The following TLE4 variants were observed in gnomAD, a reference collection of about 807,000 sequenced individuals.
TLE4 encodes the protein transducin-like enhancer protein 4.
A neutral mutation model predicts 92.8 loss-of-function variants in TLE4; 8 were observed. The observed-to-expected ratio is 0.09, with a 90% CI of 0.05 to 0.16. TLE4 has a LOEUF of 0.16. Among genes scored for constraint, TLE4 ranks in the 10% least tolerant of loss-of-function variants. TLE4 has a pLI of 1.00. For synonymous variants in TLE4, 371 were observed against 374.1 expected (o/e 0.99, Z 0.10); for missense variants, 675 against 997.6 (o/e 0.68, Z 4.36).
At chr9:79,707,765 G>A (rs758578066) in intron 11 of TLE4, among the ~76,000 whole-genome samples, 14 of 152,132 alleles carry the variant, frequency 9.2e-5, no homozygotes, top group Non-Finnish European at 2.1e-4. Context: ...CTTGTGACAT[G>A]AACAATCTGC....
chr9:79,694,022 A>C (rs142396670), intron 8 of TLE4, among the ~76,000 whole-genome samples: 90 of 152,302 alleles, frequency 5.9e-4, no homozygotes, highest in African/African-American at 1.8e-3. Flanking sequence ...AATTAACCTA[A>C]AAGGACATGT....
intron 14 of TLE4, among the ~76,000 whole-genome samples, chr9:79,713,237 G>T (rs1165535374): frequency 6.6e-6 from 1 of 152,186 alleles, no homozygotes; most frequent in Non-Finnish European, 1.5e-5. Context: ...AGGTGGGAAA[G>T]CCAGTGACCT....
chr9:79,682,393 G>A (rs1362362760), intron 8 of TLE4, among the ~76,000 whole-genome samples: 1 of 152,104 alleles, frequency 6.6e-6, no homozygotes, highest in African/African-American at 2.4e-5. Context: ...AGCACATCTG[G>A]CCCTCAAGGA....
chr9:79,612,565 G>A (rs2048604977), intron 4 of TLE4, 91 bp from the exon 5 acceptor site: 1 of 1,164,446 alleles, frequency 8.6e-7, no homozygotes, highest in Non-Finnish European at 1.3e-6. Flanking sequence ...AAATTATAAA[G>A]TATGTTTTAA....
chr9:79,637,452 C>T (rs541388611), intron 6 of TLE4, among the ~76,000 whole-genome samples: 106 of 152,274 alleles, frequency 7.0e-4, no homozygotes, highest in African/African-American at 2.3e-3. Flanking sequence ...TTATGCTACA[C>T]TTGTCTCTTA....
chr9:79,589,316 G>C (rs917665667), intron 4 of TLE4, among the ~76,000 whole-genome samples: 28 of 152,208 alleles, frequency 1.8e-4, no homozygotes, highest in Admixed American at 1.0e-3. Flanking sequence ...AACCTTTTCA[G>C]GTTTTTTCCT....
intron 8 of TLE4, chr9:79,671,517 G>A: frequency 3.3e-6 from 1 of 301,428 alleles, no homozygotes; most frequent in South Asian, 2.8e-5. Context: ...AATTGTGTGG[G>A]GAGAGGGAGT....
At chr9:79,706,449 G>T (rs1415262635) in intron 10 of TLE4, among the ~76,000 whole-genome samples, 1 of 150,844 alleles carries the variant, frequency 6.6e-6, no homozygotes, top group Non-Finnish European at 1.5e-5. Flanking sequence ...CTCTACTGCA[G>T]TGAAGGCACA....
chr9:79,699,705 A>T (rs2069243627), intron 8 of TLE4, among the ~76,000 whole-genome samples: 1 of 152,156 alleles, frequency 6.6e-6, no homozygotes, highest in Non-Finnish European at 1.5e-5. Context: ...TCTGGTTGTT[A>T]TCGTCTATGG....
At position 79,573,781 on chromosome 9, in the gene TLE4, C is replaced by T; in HGVS notation, c.138C>T (p.Tyr46=). ...KEEFQFLQAQ[Y]HSLKLECEKL... Reference sequence around the variant, plus strand: ...AGTTTCAGTTTTTACAGGCTCAATACCACAGGTAACGATATTGACTTTAGC... The same window carrying T: ...AGTTTCAGTTTTTACAGGCTCAATATCACAGGTAACGATATTGACTTTAGC... The change falls in exon 2 of 20, where the codon TAC becomes TAT. Residue 46 remains tyrosine, a synonymous_variant. Transcript: ENST00000376552. The T allele has an allele frequency of 6.3e-7, 1 of 1,590,144 alleles. No individual in the cohort carries two copies. Among genetic ancestry groups the T allele is most frequent in the Non-Finnish European group, 8.6e-7 (1 of 1,162,370 alleles).
chr9:79,581,959 A>G lies in TLE4; in HGVS notation c.252+5782A>G, dbSNP rs947700261. ...ACTCGGAATCTCCCACATGTGGGCTAGGGAAGCTGCTTGCTTATCAAGATG... is the reference window on the plus strand; with the variant it reads ...ACTCGGAATCTCCCACATGTGGGCTGGGGAAGCTGCTTGCTTATCAAGATG... On this transcript the variant is annotated intron_variant, in intron 4 of 19. Coordinates refer to ENST00000376552, the MANE Select transcript of TLE4 (RefSeq NM_007005.6). Among the ~76,000 whole-genome samples the G allele has an allele frequency of 2.6e-5, 4 of 152,138 alleles. No homozygotes were observed. The East Asian group carries it at 5.8e-4, about 22-fold the overall frequency.
At position 79,573,157 on chromosome 9, in the gene TLE4, C is replaced by G. The variant is rs866767984; in HGVS notation, c.45+322C>G. On this transcript the variant is annotated intron_variant, in intron 1 of 19. Coordinates refer to ENST00000376552, the MANE Select transcript of TLE4 (RefSeq NM_007005.6). The stretch of plus-strand genomic sequence containing the variant: ...GCGAGCGATGAAGGAGGCGCGACTC[C>G]GCGCCCGGGCGGGGAGGGCGCCCTC... 2.1e-5 allele frequency: 18 copies of G among 838,354 alleles called. 1 individual carries two copies. Among genetic ancestry groups the G allele is most frequent in the Non-Finnish European group, 9.0e-6 (6 of 665,798 alleles). The allele number at this position is 838,354 out of a possible 1,614,324, so 51.9% of individuals were successfully genotyped here.
intron 6 of TLE4, among the ~76,000 whole-genome samples, chr9:79,627,997 G>A (rs1379516468): frequency 6.6e-6 from 1 of 151,796 alleles, no homozygotes; most frequent in Non-Finnish European, 1.5e-5. Flanking sequence ...ATCCTTCCTG[G>A]CAATAGTGGC....
rs931032303 is a variant in TLE4 at position 79,705,046 on chromosome 9, C to T, written c.729+144C>T. The T allele has an allele frequency of 8.7e-6, 11 of 1,271,400 alleles. No homozygotes were observed. The East Asian group carries it at 1.4e-4, about 17-fold the overall frequency. 78.8% of individuals were successfully genotyped at this position (1,271,400 alleles called of 1,614,324 possible). ...AAAAACATTTATTGTATTTATAGCT[C>T]TGTAGCCATTGGCTAGCTGAAGTCC... is the stretch of plus-strand genomic sequence containing the variant. On this transcript the variant is annotated intron_variant, in intron 9 of 19. Coordinates refer to ENST00000376552, the MANE Select transcript of TLE4 (RefSeq NM_007005.6).
chr9:79,602,365 G>A (rs2045858922), intron 4 of TLE4, among the ~76,000 whole-genome samples: 1 of 152,212 alleles, frequency 6.6e-6, no homozygotes, highest in African/African-American at 2.4e-5. Flanking sequence ...GAGAAGAGAT[G>A]TCAGTGACTG....
rs572424287 is a variant in TLE4 at position 79,713,406 on chromosome 9, T to C, written c.1340+3707T>C. Among the ~76,000 whole-genome samples the C allele has an allele frequency of 3.9e-5, 6 of 152,338 alleles. No individual in the cohort carries two copies. In the South Asian group the frequency reaches 1.2e-3, roughly 32 times the overall value. ...CATTTTCTTCAACTGTCTCTTATTC[T>C]CATCGCCATGTTTGTTGGAGAGCCA... On this transcript the variant is annotated intron_variant, in intron 14 of 19. Coordinates refer to ENST00000376552, the MANE Select transcript of TLE4 (RefSeq NM_007005.6).
intron 8 of TLE4, among the ~76,000 whole-genome samples, chr9:79,704,132 G>A (rs1009746743): frequency 6.8e-6 from 1 of 146,386 alleles, no homozygotes; most frequent in Non-Finnish European, 1.5e-5. Flanking sequence ...TCTTTTTTTT[G>A]AGACAGAGTT....
intron 6 of TLE4, among the ~76,000 whole-genome samples, chr9:79,651,365 C>T (rs982515532): frequency 1.3e-5 from 2 of 152,154 alleles, no homozygotes; most frequent in Non-Finnish European, 2.9e-5. Context: ...CAAGGCTTGC[C>T]CACCGCGGTT....
intron 14 of TLE4, among the ~76,000 whole-genome samples, chr9:79,710,928 G>C (rs2073121197): frequency 6.6e-6 from 1 of 152,140 alleles, no homozygotes; most frequent in Non-Finnish European, 1.5e-5. Flanking sequence ...GATTTATTCA[G>C]GGAATGGATA....
Sources: allele counts gnomAD v4.1 joint callset (sites outside exome capture counted in the v4.1 genomes callset), GRCh38; gene constraint gnomAD v4.1.1; transcripts MANE v1.5; gene names NCBI Gene and HGNC (gene_info 2026-07-23, HGNC 2026-07-21).